Variants in VWA8 observed in about 807,000 individuals in gnomAD.
VWA8 encodes the protein von Willebrand factor A domain containing 8, also known as von Willebrand factor A domain-containing protein 8.
VWA8 carries 221 observed loss-of-function variants against 241.5 expected under a neutral mutation model. That is an observed-to-expected ratio of 0.91 (90% CI 0.82 to 1.02). The LOEUF is 1.02. Among genes scored for constraint, VWA8 ranks in the 50% least tolerant of loss-of-function variants. VWA8 has a pLI of 0.00. For synonymous variants in VWA8, 852 were observed against 827.1 expected (o/e 1.03, Z -0.52); for missense variants, 2,322 against 2,328.7 (o/e 1.00, Z 0.06).
In VWA8 at chr13:41,746,041, G is replaced by A. The variant is rs906854105; in HGVS notation, c.2427-13886C>T. Among the ~76,000 whole-genome samples, 7 of 152,296 alleles carry A rather than the reference G, an allele frequency of 4.6e-5. 2 individuals are homozygous for A. The highest frequency in any genetic ancestry group is 1.9e-4 in the East Asian group (1 of 5,194). ...TGAGGAAGAGGAGACCAGATTGGAA[G>A]TGGTGGTTAAAGGAGACCTCAGCTA... On this transcript the variant is annotated intron_variant, in intron 21 of 44. Transcript: ENST00000379310.
chr13:41,706,098 A>G (rs1169517516), intron 26 of VWA8, among the ~76,000 whole-genome samples: 1 of 152,204 alleles, frequency 6.6e-6, no homozygotes, highest in Non-Finnish European at 1.5e-5. Flanking sequence ...GTACCAAACA[A>G]TCATATAAAT....
intron 8 of VWA8, among the ~76,000 whole-genome samples, chr13:41,884,095 G>A (rs989206653): frequency 2.0e-5 from 3 of 152,150 alleles, no homozygotes; most frequent in Non-Finnish European, 2.9e-5. Flanking sequence ...AACATGATAT[G>A]AAGTGTGATA....
At chr13:41,637,193 G>A (rs1201426274) in intron 37 of VWA8, among the ~76,000 whole-genome samples, 7 of 151,620 alleles carry the variant, frequency 4.6e-5, no homozygotes. Context: ...ACTGGATTAA[G>A]AAAATGTGGC....
rs767559656 is a variant in VWA8, at chr13:41,721,550, A to T, written c.2784T>A (p.Val928=). Residue 928 remains valine, a synonymous_variant, in exon 25 of 45, where the codon GTT becomes GTA. Transcript: ENST00000379310. ...TLGDIFSCHA[V]DNPKPHSELE... is the part of the protein sequence containing the mutation. ...GCTCCGAGTGGGGTTTGGGGTTATC[A>T]ACTGCATGGCAGCTAAAAATATCAC... is the stretch of plus-strand genomic sequence containing the variant. The T allele has an allele frequency of 6.2e-7, 1 of 1,613,516 alleles. No individual in the cohort carries two copies. Among genetic ancestry groups the T allele is most frequent in the East Asian group, 2.2e-5 (1 of 44,870 alleles).
At chr13:41,629,473 T>A (rs2044713285) in intron 37 of VWA8, among the ~76,000 whole-genome samples, 1 of 152,206 alleles carries the variant, frequency 6.6e-6, no homozygotes, top group Non-Finnish European at 1.5e-5. Flanking sequence ...TCAATAAAAA[T>A]TATTTCCTGA....
chr13:41,957,607 AAAAT>A (rs1017113805), intron 1 of VWA8, among the ~76,000 whole-genome samples: 1 of 152,116 alleles, frequency 6.6e-6, no homozygotes, highest in African/African-American at 2.4e-5. Flanking sequence ...CTCCATCTCA[AAAAT>A]AAATAAATAA....
chr13:41,571,283 G>GTCTCCCTCTCCCTCCTCCC (rs1566370754), intron 43 of VWA8, among the ~76,000 whole-genome samples: 21 of 119,860 alleles, frequency 1.8e-4, no homozygotes, highest in East Asian at 5.6e-4. Context: ...TCCCTCTCCC[G>GTCTCCCTCTCCCTCCTCCC]TCTCCCTCTC....
chr13:41,767,618 G>A (rs376025384), intron 20 of VWA8, among the ~76,000 whole-genome samples: 16 of 152,208 alleles, frequency 1.1e-4, no homozygotes, highest in Admixed American at 3.9e-4. Context: ...AAATGGGTTC[G>A]TTGTAACGGT....
intron 37 of VWA8, among the ~76,000 whole-genome samples, chr13:41,615,890 C>T (rs1029304272): frequency 9.2e-5 from 14 of 152,226 alleles, no homozygotes; most frequent in Admixed American, 7.2e-4. Flanking sequence ...AAAGCATTCA[C>T]ATTTTATGCA....
At chr13:41,920,929 AT>A (rs1052685035) in intron 2 of VWA8, among the ~76,000 whole-genome samples, 1 of 152,222 alleles carries the variant, frequency 6.6e-6, no homozygotes, top group South Asian at 2.1e-4. Context: ...TCCATAACTC[AT>A]TTTTTGAGGC....
At chr13:41,889,938 T>C (rs761215885) in intron 5 of VWA8, among the ~76,000 whole-genome samples, 2 of 152,230 alleles carry the variant, frequency 1.3e-5, no homozygotes, top group Admixed American at 6.5e-5. Context: ...TTCTGCATAA[T>C]AGCCTTTTAA....
intron 37 of VWA8, among the ~76,000 whole-genome samples, chr13:41,631,775 C>T (rs2044728334): frequency 6.6e-6 from 1 of 152,076 alleles, no homozygotes; most frequent in Admixed American, 6.6e-5. Context: ...TAAGGGAAAC[C>T]AAATGTTATC....
At chr13:41,936,851 T>C (rs749586119) in intron 2 of VWA8, among the ~76,000 whole-genome samples, 1 of 152,178 alleles carries the variant, frequency 6.6e-6, no homozygotes. Flanking sequence ...AAACATTTTG[T>C]ACACCATAAA....
At chr13:41,833,591 A>G in intron 12 of VWA8, 60 bp from the exon 13 acceptor site, 1 of 1,496,278 alleles carries the variant, frequency 6.7e-7, no homozygotes. Flanking sequence ...AAGACATGCA[A>G]GGTAGCTTAC....
intron 9 of VWA8, among the ~76,000 whole-genome samples, chr13:41,881,358 T>G (rs976036926): frequency 1.5e-5 from 1 of 68,860 alleles, no homozygotes; most frequent in Non-Finnish European, 2.7e-5. Context: ...TAGAACATCA[T>G]AGTTTTTTTT....
At chr13:41,909,916 A>G (rs1025032647) in intron 3 of VWA8, among the ~76,000 whole-genome samples, 4 of 152,232 alleles carry the variant, frequency 2.6e-5, no homozygotes, top group African/African-American at 9.6e-5. Context: ...ATGGTTTACC[A>G]TGCTTGCCCC....
chr13:41,933,230 A>G (rs1405175125), intron 2 of VWA8, among the ~76,000 whole-genome samples: 1 of 152,050 alleles, frequency 6.6e-6, no homozygotes, highest in African/African-American at 2.4e-5. Context: ...ATCAAAAAGT[A>G]TGAAATACTC....
At chr13:41,916,661 TG>T (rs1183796482) in intron 2 of VWA8, among the ~76,000 whole-genome samples, 2 of 152,188 alleles carry the variant, frequency 1.3e-5, no homozygotes, top group African/African-American at 4.8e-5. Context: ...ACTAAACTAC[TG>T]AAAGAAAGCA....
At chr13:41,835,380 C>T (rs1175514140) in intron 12 of VWA8, among the ~76,000 whole-genome samples, 1 of 152,182 alleles carries the variant, frequency 6.6e-6, no homozygotes, top group Non-Finnish European at 1.5e-5. Context: ...CTGGTTTTGA[C>T]ACATTGTCAA....
Sources: gnomAD v4.1 joint callset for allele counts (sites outside exome capture counted in the v4.1 genomes callset) on GRCh38, gnomAD v4.1.1 for gene constraint, MANE v1.5 for transcripts, NCBI Gene and HGNC (gene_info 2026-07-23, HGNC 2026-07-21) for gene names.